The following LRRC28 variants were observed in gnomAD, a reference collection of about 807,000 sequenced individuals.
LRRC28 encodes the protein leucine-rich repeat-containing protein 28.
LRRC28 carries 39 observed loss-of-function variants against 45.7 expected under a neutral mutation model. That is an observed-to-expected ratio of 0.85 (90% CI 0.66 to 1.12). LRRC28 has a LOEUF of 1.12. Ranked by LOEUF, LRRC28 falls within the 50% of genes most tolerant of loss-of-function variation. LRRC28 has a pLI of 0.00. For synonymous variants in LRRC28, 206 were observed against 178.8 expected (o/e 1.15, Z -1.22); for missense variants, 435 against 438.5 (o/e 0.99, Z 0.07).
intron 2 of LRRC28, among the ~76,000 whole-genome samples, chr15:99,266,456 T>C (rs7175165): frequency 0.41 from 61,307 of 151,046 alleles, 12,718 homozygotes; most frequent in Middle Eastern, 0.6. Flanking sequence ...CTGGGCAACA[T>C]AGTGAGACCT....
At chr15:99,356,749 G>A (rs1448166606) in intron 7 of LRRC28, among the ~76,000 whole-genome samples, 1 of 152,152 alleles carries the variant, frequency 6.6e-6, no homozygotes, top group East Asian at 1.9e-4. Context: ...ACCATGCGTA[G>A]GCAAAGCTGA....
chr15:99,326,225 T>TA (rs1035632163), intron 5 of LRRC28, among the ~76,000 whole-genome samples: 12 of 151,890 alleles, frequency 7.9e-5, no homozygotes, highest in East Asian at 5.8e-4. Flanking sequence ...TTTTAAAAAA[T>TA]AAAAAAAATG....
chr15:99,312,506 A>G (rs1230874144), intron 5 of LRRC28, among the ~76,000 whole-genome samples: 1 of 152,206 alleles, frequency 6.6e-6, no homozygotes, highest in African/African-American at 2.4e-5. Context: ...GACCTGCCTA[A>G]GGCTCTTTTA....
At chr15:99,328,534 C>A (rs1956057735) in intron 5 of LRRC28, among the ~76,000 whole-genome samples, 1 of 151,706 alleles carries the variant, frequency 6.6e-6, no homozygotes, top group African/African-American at 2.4e-5. Flanking sequence ...GGACTCGTGG[C>A]CTTAATTTTA....
At chr15:99,269,049 AT>A (rs1173604088) in intron 2 of LRRC28, among the ~76,000 whole-genome samples, 1 of 152,042 alleles carries the variant, frequency 6.6e-6, no homozygotes, top group East Asian at 1.9e-4. Flanking sequence ...GAAACATTGT[AT>A]TTTTGTAAAT....
At chr15:99,355,311 T>C (rs2152319570) in intron 7 of LRRC28, 1 of 152,234 alleles carries the variant, frequency 6.6e-6, no homozygotes, top group South Asian at 2.1e-4. Context: ...CTAAGAGAGG[T>C]AGAGTGATGG....
chr15:99,253,212 C>T (rs1196776139), intron 1 of LRRC28, among the ~76,000 whole-genome samples: 1 of 152,030 alleles, frequency 6.6e-6, no homozygotes, highest in East Asian at 1.9e-4. Context: ...GCTCCGCCTC[C>T]CGGTTTCAAG....
intron 9 of LRRC28, among the ~76,000 whole-genome samples, chr15:99,373,232 T>G (rs926358964): frequency 6.6e-6 from 1 of 152,170 alleles, no homozygotes; most frequent in Admixed American, 6.5e-5. Context: ...TTGTGTTAAG[T>G]TTCATCAGCG....
At chr15:99,290,255 C>T (rs1378324174) in intron 5 of LRRC28, among the ~76,000 whole-genome samples, 5 of 146,088 alleles carry the variant, frequency 3.4e-5, no homozygotes, top group Admixed American at 7.0e-5. Flanking sequence ...TGAGACCCTG[C>T]CTCAAAAAAA....
chr15:99,390,489 T>C lies in LRRC28; in HGVS notation c.*4387T>C, dbSNP rs1958153069. 1 of 152,232 alleles carries C rather than the reference T, an allele frequency of 6.6e-6. No homozygotes were observed. Among genetic ancestry groups the C allele is most frequent in the Non-Finnish European group, 1.5e-5 (1 of 68,044 alleles). 9.4% of individuals were successfully genotyped at this position (152,232 alleles called of 1,614,324 possible). Reference sequence around the variant, plus strand: ...AAAGAATATCAGGTTTTGTTTCTTATTGTGATTTTTGAGTCTAAATGATCC... The same window carrying C: ...AAAGAATATCAGGTTTTGTTTCTTACTGTGATTTTTGAGTCTAAATGATCC... On this transcript the variant is annotated 3_prime_UTR_variant, in exon 10 of 10. Coordinates refer to ENST00000301981, the MANE Select transcript of LRRC28 (RefSeq NM_144598.5).
chr15:99,385,357 A>G (rs1010368240), intron 9 of LRRC28, among the ~76,000 whole-genome samples: 2 of 151,224 alleles, frequency 1.3e-5, no homozygotes, highest in African/African-American at 4.9e-5. Flanking sequence ...TCTTGTGGAA[A>G]CAACAAGAGA....
intron 2 of LRRC28, 139 bp from the exon 3 acceptor site, chr15:99,276,437 C>G (rs1409637800): frequency 1.8e-6 from 1 of 570,686 alleles, no homozygotes; most frequent in Non-Finnish European, 3.0e-6. Flanking sequence ...AGAATAAAAC[C>G]CAGACCTGCT....
At chr15:99,272,017 C>G (rs1037613787) in intron 2 of LRRC28, among the ~76,000 whole-genome samples, 2 of 152,282 alleles carry the variant, frequency 1.3e-5, no homozygotes, top group Middle Eastern at 3.4e-3. Context: ...GTGGTTTTAG[C>G]TCTTAAATTT....
chr15:99,254,510 T>C (rs781372023), intron 1 of LRRC28, among the ~76,000 whole-genome samples: 2 of 146,562 alleles, frequency 1.4e-5, no homozygotes, highest in Non-Finnish European at 1.5e-5. Flanking sequence ...CAATAGAGAG[T>C]TGGGAAAAAG....
At chr15:99,279,961 T>G (rs1328986412) in intron 3 of LRRC28, among the ~76,000 whole-genome samples, 3 of 152,184 alleles carry the variant, frequency 2.0e-5, no homozygotes, top group African/African-American at 7.2e-5. Context: ...CGTCCGCACA[T>G]CTTACCAGCA....
chr15:99,289,918 C>T lies in LRRC28; in HGVS notation c.385+1967C>T, dbSNP rs1463995499. Reference sequence around the variant, plus strand: ...ACTGCAGTCCGCAGTCCGGCCTGGGCGACAGAGCAAGACTCCGTCTCAAAA... The same window carrying T: ...ACTGCAGTCCGCAGTCCGGCCTGGGTGACAGAGCAAGACTCCGTCTCAAAA... On this transcript the variant is annotated intron_variant, in intron 5 of 9. Transcript: ENST00000301981. Among the ~76,000 whole-genome samples, 11 of 106,590 alleles carry T rather than the reference C, an allele frequency of 1.0e-4. No homozygotes were observed. In the East Asian group the frequency reaches 2.9e-3, roughly 29 times the overall value. The allele number at this position is 106,590 out of a possible 152,430, so 69.9% of individuals were successfully genotyped here.
At chr15:99,351,121 T>C (rs1956864697) in intron 6 of LRRC28, among the ~76,000 whole-genome samples, 1 of 152,132 alleles carries the variant, frequency 6.6e-6, no homozygotes, top group African/African-American at 2.4e-5. Flanking sequence ...TTATGTTCTT[T>C]CTTAAGAGCA....
chr15:99,382,094 G>C (rs1202648393), intron 9 of LRRC28, among the ~76,000 whole-genome samples: 3 of 152,234 alleles, frequency 2.0e-5, no homozygotes, highest in Non-Finnish European at 1.5e-5. Flanking sequence ...AGAGGTTTCT[G>C]CTGCCTTTTG....
chr15:99,325,136 A>G (rs1955930036), intron 5 of LRRC28, among the ~76,000 whole-genome samples: 1 of 152,100 alleles, frequency 6.6e-6, no homozygotes, highest in Admixed American at 6.6e-5. Flanking sequence ...GTAGCATATA[A>G]GTTTTGTACT....
Sources: allele counts gnomAD v4.1 joint callset (sites outside exome capture counted in the v4.1 genomes callset), GRCh38; gene constraint gnomAD v4.1.1; transcripts MANE v1.5; gene names NCBI Gene and HGNC (gene_info 2026-07-23, HGNC 2026-07-21).